PKM: variants seen among roughly 807,000 people sequenced by gnomAD.
The protein encoded by PKM is pyruvate kinase M1/2.
A neutral mutation model predicts 49.8 loss-of-function variants in PKM; 18 were observed. That is an observed-to-expected ratio of 0.36 (90% CI 0.25 to 0.54). The LOEUF is 0.54. Ranked by LOEUF, PKM falls within the 20% of genes least tolerant of loss-of-function variation. The pLI, the probability that PKM is intolerant of heterozygous loss-of-function variation, is 0.89. For synonymous variants in PKM, 239 were observed against 261.8 expected, an observed-to-expected ratio of 0.91 and a Z score of 0.84; for missense variants, 508 against 713.8, an observed-to-expected ratio of 0.71 and a Z score of 3.28.
At chr15:72,217,225 A>G (rs949541628) in intron 3 of PKM, among the ~76,000 whole-genome samples, 184 bp downstream of exon 3, 1 of 152,236 alleles carries the variant, frequency 6.6e-6, no homozygotes, top group Non-Finnish European at 1.5e-5. Flanking sequence ...AAAGAGACTC[A>G]GCCAGTTGCT....
At chr15:72,214,599 C>G (rs2082332120) in intron 3 of PKM, among the ~76,000 whole-genome samples, 1 of 151,974 alleles carries the variant, frequency 6.6e-6, no homozygotes, top group Non-Finnish European at 1.5e-5. Flanking sequence ...AATTCGAGAT[C>G]AGCCTGGCCA....
At chr15:72,221,924 C>CAA (rs10706808) in intron 1 of PKM, among the ~76,000 whole-genome samples, 1 of 109,930 alleles carries the variant, frequency 9.1e-6, no homozygotes, top group African/African-American at 3.2e-5. Flanking sequence ...AACCTCAAAG[C>CAA]AAAAAAAAAA....
At chr15:72,211,068 TG>T (rs1194835922) in intron 3 of PKM, among the ~76,000 whole-genome samples, 7 of 151,530 alleles carry the variant, frequency 4.6e-5, no homozygotes, top group African/African-American at 1.7e-4. Context: ...TCAATCGCTT[TG>T]TTTTTTTTTT....
At chr15:72,218,021 G>A (rs1158853014) in intron 2 of PKM, among the ~76,000 whole-genome samples, 2 of 152,086 alleles carry the variant, frequency 1.3e-5, no homozygotes, top group African/African-American at 4.8e-5. Context: ...GATACAATGT[G>A]GAATAATTAA....
At position 72,206,553 on chromosome 15, in the gene PKM, GA is replaced by G. The variant is rs371071860; in HGVS notation, c.1140+174del. ...GTGTGGGCAGGAATGCAGAACAGGA[GA>G]AAAAAAAAAGCCACCTCCACTTCCA... On this transcript the variant is annotated intron_variant, in intron 8 of 10. Coordinates refer to ENST00000335181, the MANE Select transcript of PKM (RefSeq NM_002654.6). 803 of 546,276 alleles carry G rather than the reference GA, an allele frequency of 1.5e-3. 1 individual carries two copies. Among genetic ancestry groups the G allele is most frequent in the Non-Finnish European group, 1.8e-3 (551 of 312,250 alleles). 33.8% of individuals were successfully genotyped at this position (546,276 alleles called of 1,614,324 possible). A position where few individuals can be genotyped will look rare whatever the true frequency, so the allele number is the denominator to read the frequency against.
chr15:72,203,076 T>C, intron 8 of PKM: 1 of 1,614,198 alleles, frequency 6.2e-7, no homozygotes, highest in South Asian at 1.1e-5. Context: ...ATAAGAAGCC[T>C]CCACGCTGCC....
rs1345291942 is a variant in PKM at position 72,199,296 on chromosome 15, G to C, written c.*354C>G. The C allele has an allele frequency of 7.2e-6, 3 of 414,504 alleles. No individual in the cohort carries two copies. In the East Asian group the frequency reaches 1.8e-4, roughly 25 times the overall value. The allele number at this position is 414,504 out of a possible 1,614,324, so 25.7% of individuals were successfully genotyped here. A position where few individuals can be genotyped will look rare whatever the true frequency, so the allele number is the denominator to read the frequency against. On this transcript the variant is annotated 3_prime_UTR_variant, in exon 11 of 11. Transcript: ENST00000335181. ...CTGGCTGTTTCTTGACCCCAAGCCAGGGTTGGGAGTCCTCTGGGCATCCAT... is the reference window on the plus strand; with the variant it reads ...CTGGCTGTTTCTTGACCCCAAGCCACGGTTGGGAGTCCTCTGGGCATCCAT...
rs1313637007 is a variant in PKM at position 72,200,962 on chromosome 15, CA to C, written c.1308-308del. 3.0e-6 allele frequency: 1 copy of C among 332,836 alleles called. No homozygotes were observed. The highest frequency in any genetic ancestry group is 5.6e-6 in the Non-Finnish European group (1 of 177,006). The allele number at this position is 332,836 out of a possible 1,614,324, so 20.6% of individuals were successfully genotyped here. ...CCCATGGTTGGCAGAACCCCTCCTA[CA>C]CCCTGAACTCTGACACAGAGAGGCA... On this transcript the variant is annotated intron_variant, in intron 9 of 10. Transcript: ENST00000335181. This position sits in a 1 kb window ranked among gnomAD's most constrained non-coding sequence, Gnocchi z 4.6.
chr15:72,229,911 TAA>T (rs35843341), intron 1 of PKM, among the ~76,000 whole-genome samples: 7 of 132,482 alleles, frequency 5.3e-5, no homozygotes, highest in Admixed American at 1.5e-4. Flanking sequence ...GCCGGATAAT[TAA>T]AAAAAAAAAA....
chr15:72,217,624 T>A, intron 2 of PKM, 124 bp from the exon 3 acceptor site: 1 of 701,352 alleles, frequency 1.4e-6, no homozygotes, highest in Non-Finnish European at 2.5e-6. Flanking sequence ...AGCTCAAAAG[T>A]CTTTAAAAAG....
chr15:72,203,342 T>G, intron 8 of PKM: 2 of 684,138 alleles, frequency 2.9e-6, no homozygotes, highest in South Asian at 3.4e-5. Flanking sequence ...GATGCAGAGG[T>G]AGGGTGATGA....
intron 5 of PKM, 63 bp from the exon 6 acceptor site, chr15:72,208,954 C>A: frequency 6.5e-7 from 1 of 1,543,690 alleles, no homozygotes; most frequent in South Asian, 1.2e-5. Context: ...AGGAAGCAGG[C>A]ACCTTTCCCG....
intron 1 of PKM, chr15:72,229,658 C>T: frequency 8.0e-7 from 1 of 1,249,006 alleles, no homozygotes; most frequent in Non-Finnish European, 1.0e-6. Context: ...CCCCTCCCTC[C>T]CACAGCAGGA....
chr15:72,212,733 T>C (rs1596760420), intron 3 of PKM, among the ~76,000 whole-genome samples: 1 of 152,294 alleles, frequency 6.6e-6, no homozygotes, highest in East Asian at 1.9e-4. Flanking sequence ...AATGCTGTCC[T>C]GCGGAAGGCT....
chr15:72,223,750 C>A (rs1383392410), intron 1 of PKM, among the ~76,000 whole-genome samples: 2 of 152,084 alleles, frequency 1.3e-5, no homozygotes, highest in Non-Finnish European at 2.9e-5. Context: ...AATGTATTTG[C>A]ATATGGGTGC....
chr15:72,207,581 T>C (rs1216399178), intron 6 of PKM, among the ~76,000 whole-genome samples: 3 of 152,182 alleles, frequency 2.0e-5, no homozygotes, highest in Non-Finnish European at 4.4e-5. Flanking sequence ...ATCCCATGCA[T>C]GTTAGGGGTC....
At chr15:72,228,572 C>CT in intron 1 of PKM, 1 of 1,159,016 alleles carries the variant, frequency 8.6e-7, no homozygotes, top group Non-Finnish European at 1.1e-6. Context: ...AGTTTCCCCA[C>CT]TCACCCAGCG....
intron 2 of PKM, among the ~76,000 whole-genome samples, chr15:72,218,478 G>C (rs906187036): frequency 6.6e-6 from 1 of 151,980 alleles, no homozygotes; most frequent in Non-Finnish European, 1.5e-5. Flanking sequence ...CTGGAGTGCA[G>C]TGGTGTGATC....
chr15:72,200,749 C>T lies in PKM; in HGVS notation c.1308-94G>A, dbSNP rs2081925673. On this transcript the variant is annotated intron_variant, in intron 9 of 10. Transcript: ENST00000335181. The surrounding 1 kb of genome is among the most constrained non-coding windows in gnomAD (Gnocchi z 4.6). ...TCAAACAGCTCACCCTCTCATCCAG[C>T]TCACTGAGGGCTCTGGCCTCTTCAA... The T allele has an allele frequency of 3.6e-6, 4 of 1,110,148 alleles. No individual in the cohort carries two copies. The South Asian group carries it at 4.3e-5, about 12-fold the overall frequency. The allele number at this position is 1,110,148 out of a possible 1,614,324, so 68.8% of individuals were successfully genotyped here.
Sources: allele counts gnomAD v4.1 joint callset (sites outside exome capture counted in the v4.1 genomes callset), GRCh38; gene constraint gnomAD v4.1.1; non-coding constraint Gnocchi (gnomAD v3.1); transcripts MANE v1.5; gene names NCBI Gene and HGNC (gene_info 2026-07-23, HGNC 2026-07-21).